The following CREBBP variants were observed in gnomAD, a reference collection of about 807,000 sequenced individuals.
CREBBP encodes the protein CREB-binding protein.
CREBBP carries 19 observed loss-of-function variants against 265.0 expected under a neutral mutation model. That is an observed-to-expected ratio of 0.07 (90% CI 0.05 to 0.11). CREBBP has a LOEUF of 0.11. Among genes scored for constraint, CREBBP ranks in the 10% least tolerant of loss-of-function variants. The pLI, the probability that CREBBP is intolerant of heterozygous loss-of-function variation, is 1.00. For missense variants in CREBBP, 2,525 were observed against 3,219.0 expected, an observed-to-expected ratio of 0.78 and a Z score of 5.22; for synonymous variants, 1,457 against 1,223.7, an observed-to-expected ratio of 1.19 and a Z score of -3.98.
At position 3,731,562 on chromosome 16, in the gene CREBBP, G is replaced by C. The variant is rs2051917604; in HGVS notation, c.4891-89C>G. On this transcript the variant is annotated intron_variant, in intron 29 of 30. Coordinates refer to ENST00000262367, the MANE Select transcript of CREBBP (RefSeq NM_004380.3). This position sits in a 1 kb window ranked among gnomAD's most constrained non-coding sequence, Gnocchi z 7.7. Reference sequence around the variant, plus strand: ...GGCAGGCGCAGCCACCCAGCCTGCAGAATAGGCAGGTGGCTGAGCCTGATG... The same window carrying C: ...GGCAGGCGCAGCCACCCAGCCTGCACAATAGGCAGGTGGCTGAGCCTGATG... The C allele has an allele frequency of 6.7e-7, 1 of 1,490,984 alleles. No homozygotes were observed. Among genetic ancestry groups the C allele is most frequent in the Non-Finnish European group, 9.1e-7 (1 of 1,097,294 alleles). 92.4% of individuals were successfully genotyped at this position (1,490,984 alleles called of 1,614,324 possible).
At chr16:3,781,395 T>C (rs130020) in intron 6 of CREBBP, 89 bp from the exon 7 acceptor site, 2 of 1,031,554 alleles carry the variant, frequency 1.9e-6, no homozygotes, top group African/African-American at 3.2e-5. Context: ...TGCCACCATA[T>C]AAACAATTGG....
intron 6 of CREBBP, 103 bp downstream of exon 6, chr16:3,782,581 T>G: frequency 3.4e-6 from 5 of 1,475,000 alleles, no homozygotes; most frequent in Non-Finnish European, 4.6e-6. Flanking sequence ...ACCACCGTAG[T>G]AAAAAACACA....
chr16:3,763,661 G>A (rs2052776079), intron 16 of CREBBP, among the ~76,000 whole-genome samples: 2 of 150,780 alleles, frequency 1.3e-5, no homozygotes, highest in Admixed American at 6.6e-5. Flanking sequence ...ACGGGGTTTC[G>A]CCATGTTGGC....
chr16:3,852,202 C>T (rs2054866501), intron 1 of CREBBP, among the ~76,000 whole-genome samples: 3 of 108,148 alleles, frequency 2.8e-5, no homozygotes, highest in African/African-American at 3.5e-5. Flanking sequence ...TCTCGCTCTG[C>T]GGCCCAGGCT....
At chr16:3,758,101 C>T (rs1461397186) in intron 17 of CREBBP, 53 bp from the exon 18 acceptor site, 2 of 1,595,072 alleles carry the variant, frequency 1.3e-6, no homozygotes, top group African/African-American at 2.7e-5. Context: ...TATCCAAATG[C>T]CAGTCTCATC....
chr16:3,818,238 G>C (rs2141371441), intron 2 of CREBBP, among the ~76,000 whole-genome samples: 1 of 152,038 alleles, frequency 6.6e-6, no homozygotes, highest in South Asian at 2.1e-4. Context: ...TTGACCTAGA[G>C]TCGGCCAGGC....
chr16:3,750,453 T>C (rs888377340), intron 20 of CREBBP, among the ~76,000 whole-genome samples: 1 of 152,192 alleles, frequency 6.6e-6, no homozygotes, highest in Non-Finnish European at 1.5e-5. Flanking sequence ...GTAGGAATCA[T>C]GGAAGACTGG....
chr16:3,815,148 A>G (rs1219711346), intron 2 of CREBBP, among the ~76,000 whole-genome samples: 1 of 152,244 alleles, frequency 6.6e-6, no homozygotes, highest in South Asian at 2.1e-4. Context: ...AGGCTAACAT[A>G]TACTTCTTAG....
At chr16:3,796,662 C>A (rs1011782800) in intron 3 of CREBBP, among the ~76,000 whole-genome samples, 1 of 152,198 alleles carries the variant, frequency 6.6e-6, no homozygotes, top group African/African-American at 2.4e-5. Flanking sequence ...GCTGAGATTA[C>A]AGGCATGAGC....
intron 2 of CREBBP, among the ~76,000 whole-genome samples, chr16:3,813,947 C>T (rs1006385224): frequency 2.0e-5 from 3 of 152,176 alleles, no homozygotes; most frequent in African/African-American, 7.2e-5. Context: ...CCCAGGCACC[C>T]TGGCTCCAGA....
At chr16:3,770,397 T>C (rs1243667978) in intron 14 of CREBBP, among the ~76,000 whole-genome samples, 173 bp downstream of exon 14, 1 of 151,694 alleles carries the variant, frequency 6.6e-6, no homozygotes, top group Non-Finnish European at 1.5e-5. Flanking sequence ...GGTCTCACTA[T>C]GTTGCCCAGG....
intron 2 of CREBBP, among the ~76,000 whole-genome samples, chr16:3,815,644 A>T (rs2054023802): frequency 7.0e-6 from 1 of 142,206 alleles, no homozygotes; most frequent in African/African-American, 2.6e-5. Context: ...ATAATCTTTT[A>T]AAAAGTTTTT....
rs928116392 is a variant in CREBBP at position 3,729,107 on chromosome 16, G to A, written c.5940C>T (p.Ser1980=). The part of the protein sequence containing the change: ...QHLYRVNINN[S]MPPGRTGMGT... Reference sequence around the variant, plus strand: ...CCATGCCCGTGCGTCCTGGGGGCATGCTGTTGTTGATGTTCACCCGGTACA... The same window carrying A: ...CCATGCCCGTGCGTCCTGGGGGCATACTGTTGTTGATGTTCACCCGGTACA... The change falls in exon 31 of 31, where the codon AGC becomes AGT. Residue 1980 remains serine (S), a synonymous_variant. Coordinates refer to ENST00000262367, the MANE Select transcript of CREBBP (RefSeq NM_004380.3). 6.3e-7 allele frequency: 1 copy of A among 1,583,116 alleles called. No individual in the cohort carries two copies. The highest frequency in any genetic ancestry group is 1.3e-5 in the African/African-American group (1 of 74,470).
At chr16:3,803,283 G>GGT in intron 3 of CREBBP, among the ~76,000 whole-genome samples, 1 of 58,318 alleles carries the variant, frequency 1.7e-5, no homozygotes, top group East Asian at 6.9e-4. Context: ...GGGGGGGGTG[G>GGT]ATCACGAGGT....
chr16:3,782,717 T>C lies in CREBBP; in HGVS notation c.1540A>G (p.Thr514Ala), dbSNP rs1567309549. Residue 514 changes from threonine (T) to alanine (A), a missense_variant, in exon 6 of 31, where the codon ACC becomes GCC. Physicochemically the swap from Thr to Ala is moderately conservative, Grantham distance 58. Transcript: ENST00000262367. The part of the protein sequence containing the change: ...VPGQQPAQPQ[T>A]HQQMRTLNPL... ...TTGAGAGTCCTCATCTGCTGGTGGG[T>C]TTGAGGCTGTGCTGGTTGCTGGCCA... The C allele has an allele frequency of 6.2e-7, 1 of 1,614,044 alleles. No homozygotes were observed. Among genetic ancestry groups the C allele is most frequent in the Non-Finnish European group, 8.5e-7 (1 of 1,179,988 alleles).
chr16:3,842,183 T>C (rs541532911), intron 2 of CREBBP, among the ~76,000 whole-genome samples: 5 of 152,326 alleles, frequency 3.3e-5, no homozygotes, highest in Middle Eastern at 3.4e-3. Context: ...TTCAGATTTG[T>C]TAGTTAAAAG....
chr16:3,872,734 C>G (rs1461300137), intron 1 of CREBBP, among the ~76,000 whole-genome samples: 1 of 152,208 alleles, frequency 6.6e-6, no homozygotes, highest in South Asian at 2.1e-4. Flanking sequence ...TGTGAGCAAG[C>G]CATGGGCCTA....
intron 28 of CREBBP, among the ~76,000 whole-genome samples, chr16:3,732,731 G>A (rs756299432): frequency 9.2e-5 from 14 of 151,528 alleles, no homozygotes; most frequent in Non-Finnish European, 1.6e-4. Context: ...ACAGAGTCTC[G>A]CTCTTGTCAC....
chr16:3,873,485 T>C (rs1010618319), intron 1 of CREBBP, among the ~76,000 whole-genome samples: 2 of 152,178 alleles, frequency 1.3e-5, no homozygotes, highest in African/African-American at 4.8e-5. Flanking sequence ...TTCTGTCCTT[T>C]CCAGAACTGC....
Sources: allele counts gnomAD v4.1 joint callset (sites outside exome capture counted in the v4.1 genomes callset), GRCh38; gene constraint gnomAD v4.1.1; non-coding constraint Gnocchi (gnomAD v3.1); transcripts MANE v1.5; gene names NCBI Gene and HGNC (gene_info 2026-07-23, HGNC 2026-07-21).